CDK6: variants seen among roughly 807,000 people sequenced by gnomAD.
The protein encoded by CDK6 is cyclin-dependent kinase 6.
Under a neutral mutation model 37.1 loss-of-function variants are expected in CDK6, and 6 were observed. That is an observed-to-expected ratio of 0.16 (90% confidence interval 0.09 to 0.32). The LOEUF is 0.32. CDK6 is among the 10% of genes least tolerant of loss of function. CDK6 has a pLI of 1.00. For missense variants in CDK6, 224 were observed against 418.9 expected, an observed-to-expected ratio of 0.53 and a Z score of 4.06; for synonymous variants, 160 against 161.3, an observed-to-expected ratio of 0.99 and a Z score of 0.06.
At chr7:92,659,773 T>TA (rs1384789724) in intron 5 of CDK6, among the ~76,000 whole-genome samples, 1 of 152,178 alleles carries the variant, frequency 6.6e-6, no homozygotes, top group Non-Finnish European at 1.5e-5. Context: ...TTAGTCATAT[T>TA]AGACATAGTA....
intron 4 of CDK6, among the ~76,000 whole-genome samples, chr7:92,695,829 G>A (rs963683275): frequency 1.1e-4 from 16 of 152,192 alleles, no homozygotes; most frequent in Non-Finnish European, 2.2e-4. Context: ...AGTGACCTTC[G>A]CCTCTGTTTT....
At chr7:92,677,242 T>C (rs1408958621) in intron 4 of CDK6, among the ~76,000 whole-genome samples, 1 of 152,204 alleles carries the variant, frequency 6.6e-6, no homozygotes, top group African/African-American at 2.4e-5. Flanking sequence ...CAAAAGAAAG[T>C]ATAAATTGTT....
intron 2 of CDK6, among the ~76,000 whole-genome samples, chr7:92,782,487 GGACAGGA>G (rs1800018280): frequency 6.6e-6 from 1 of 152,158 alleles, no homozygotes; most frequent in Admixed American, 6.5e-5. Flanking sequence ...ATTCAGAGGT[GGACAGGA>G]GCATAATAAT....
chr7:92,774,706 T>A lies in CDK6; in HGVS notation c.359A>T (p.Glu120Val). The A allele has an allele frequency of 6.2e-7, 1 of 1,605,288 alleles. No homozygotes were observed. ...DKVPEPGVPT[E>V]TIKDMMFQLL... is the part of the protein sequence containing the mutation. ...GATGATTCTTGATACCTTTATGGTTTCAGTGGGCACTCCAGGCTCTGGAAC... is the reference window on the plus strand; with the variant it reads ...GATGATTCTTGATACCTTTATGGTTACAGTGGGCACTCCAGGCTCTGGAAC... Residue 120 changes from glutamate to valine, a missense_variant, in exon 3 of 8, where the codon GAA becomes GTA. Physicochemically the swap from Glu to Val is moderately radical, Grantham distance 121 (BLOSUM62 -2). Around this residue, in one of 5 missense-constraint regions of CDK6, gnomAD observed 82 missense variants for 202.1 expected, o/e 0.41. Coordinates refer to ENST00000424848, the MANE Select transcript of CDK6 (RefSeq NM_001145306.2).
chr7:92,665,597 T>C (rs902183677), intron 5 of CDK6, among the ~76,000 whole-genome samples: 6 of 152,212 alleles, frequency 3.9e-5, no homozygotes, highest in Admixed American at 3.9e-4. Flanking sequence ...TTCCTAGGTA[T>C]TTCATTTTTG....
intron 4 of CDK6, among the ~76,000 whole-genome samples, chr7:92,688,981 T>C (rs1027640438): frequency 6.6e-6 from 1 of 152,136 alleles, no homozygotes; most frequent in African/African-American, 2.4e-5. Context: ...CAATAATCAG[T>C]GTACACATGC....
intron 5 of CDK6, among the ~76,000 whole-genome samples, chr7:92,651,713 T>C (rs1186411695): frequency 6.6e-6 from 1 of 151,796 alleles, no homozygotes; most frequent in African/African-American, 2.4e-5. Flanking sequence ...AAATGTCTAC[T>C]CCCAGGAATG....
At position 92,606,591 on chromosome 7, in the gene CDK6, C is replaced by A. The variant is rs893980947; in HGVS notation, c.*8549G>T. ...ATACACAATTTCTACATTTCTAGAA[C>A]CATGATTTCAAACACAGAAACTAAC... On this transcript the variant is annotated 3_prime_UTR_variant, in exon 8 of 8. Transcript: ENST00000424848. 8 of 232,978 alleles carry A rather than the reference C, an allele frequency of 3.4e-5. No individual in the cohort carries two copies. The highest frequency in any genetic ancestry group is 5.1e-5 in the Non-Finnish European group (6 of 117,992). The allele number at this position is 232,978 out of a possible 1,614,324, so 14.4% of individuals were successfully genotyped here.
At chr7:92,646,473 C>T (rs1796453722) in intron 5 of CDK6, among the ~76,000 whole-genome samples, 1 of 151,424 alleles carries the variant, frequency 6.6e-6, no homozygotes, top group African/African-American at 2.4e-5. Context: ...TCTCGGCTCA[C>T]TGCAACCTCT....
intron 5 of CDK6, among the ~76,000 whole-genome samples, chr7:92,626,474 G>C (rs1360489324): frequency 6.6e-6 from 1 of 152,110 alleles, no homozygotes; most frequent in Admixed American, 6.6e-5. Context: ...TTACAGATGG[G>C]AAGTAAAGTA....
intron 4 of CDK6, among the ~76,000 whole-genome samples, chr7:92,704,394 T>C (rs1797923458): frequency 6.6e-6 from 1 of 152,202 alleles, no homozygotes; most frequent in Admixed American, 6.5e-5. Flanking sequence ...ACTTGGGTGC[T>C]CAGAGCCCTC....
chr7:92,730,594 G>A (rs1461825818), intron 3 of CDK6, among the ~76,000 whole-genome samples: 1 of 152,144 alleles, frequency 6.6e-6, no homozygotes, highest in Non-Finnish European at 1.5e-5. Context: ...CTATGAATCT[G>A]ACAACTCTAC....
At chr7:92,803,055 C>G (rs1800624754) in intron 2 of CDK6, among the ~76,000 whole-genome samples, 1 of 152,186 alleles carries the variant, frequency 6.6e-6, no homozygotes, top group South Asian at 2.1e-4. Context: ...ATTAAGATGA[C>G]TGGCAGTAAT....
At chr7:92,776,863 C>T (rs746703895) in intron 2 of CDK6, among the ~76,000 whole-genome samples, 6 of 152,024 alleles carry the variant, frequency 3.9e-5, no homozygotes, top group African/African-American at 7.2e-5. Context: ...GTAGGTTGCC[C>T]GTTCACTGAT....
chr7:92,702,298 T>C (rs1011009289), intron 4 of CDK6, among the ~76,000 whole-genome samples: 2 of 136,382 alleles, frequency 1.5e-5, no homozygotes, highest in Admixed American at 1.7e-4. Context: ...AGTGGCATGA[T>C]CTCGGCTCAC....
intron 2 of CDK6, among the ~76,000 whole-genome samples, chr7:92,781,871 T>C (rs1458565519): frequency 6.6e-6 from 1 of 152,208 alleles, no homozygotes; most frequent in Non-Finnish European, 1.5e-5. Flanking sequence ...TGTGACTATG[T>C]CTTGTATGCA....
chr7:92,622,988 A>T (rs777578527), intron 6 of CDK6, 48 bp downstream of exon 6: 8 of 1,168,654 alleles, frequency 6.8e-6, no homozygotes, highest in Non-Finnish European at 1.0e-5. Flanking sequence ...GTCACTGTAA[A>T]TGTTTTAATG....
intron 2 of CDK6, among the ~76,000 whole-genome samples, chr7:92,803,815 G>C (rs1201403563): frequency 6.6e-6 from 1 of 152,194 alleles, no homozygotes; most frequent in African/African-American, 2.4e-5. Context: ...TGGGCACCAG[G>C]AAATGTTTTA....
intron 2 of CDK6, among the ~76,000 whole-genome samples, chr7:92,811,505 T>A (rs1273984580): frequency 6.6e-6 from 1 of 151,780 alleles, no homozygotes. Flanking sequence ...TGAGATTAAA[T>A]GTGGAAATAA....
Sources: gnomAD v4.1 joint callset for allele counts (sites outside exome capture counted in the v4.1 genomes callset) on GRCh38, gnomAD v4.1.1 for gene constraint, gnomAD v4.1.1 regional missense constraint, MANE v1.5 for transcripts, NCBI Gene and HGNC (gene_info 2026-07-23, HGNC 2026-07-21) for gene names.